The following KIAA1671 variants were observed in gnomAD, a reference collection of about 807,000 sequenced individuals.
KIAA1671 encodes the protein KIAA1671, also known as uncharacterized protein KIAA1671.
Under a neutral mutation model 131.2 loss-of-function variants are expected in KIAA1671, and 52 were observed. The ratio of observed to expected loss-of-function variants is 0.40; its 90% confidence interval spans 0.32 to 0.50. The LOEUF (loss-of-function observed/expected upper bound fraction) is 0.50, where lower values mean the gene tolerates loss of function less well. KIAA1671 is among the 20% of genes least tolerant of loss of function. The pLI is 0.73. For missense variants in KIAA1671, 2,360 were observed against 2,364.2 expected (o/e 1.00, Z 0.04); for synonymous variants, 1,003 against 961.6 (o/e 1.04, Z -0.80).
At chr22:25,050,445 G>A (rs1228278374) in intron 6 of KIAA1671, 1 of 152,260 alleles carries the variant, frequency 6.6e-6, no homozygotes, top group Non-Finnish European at 1.5e-5. Flanking sequence ...CTCTTTGGTT[G>A]CTCAGCTCCA....
chr22:25,113,646 C>T (rs1030329751), intron 6 of KIAA1671, among the ~76,000 whole-genome samples: 3 of 152,194 alleles, frequency 2.0e-5, no homozygotes, highest in African/African-American at 7.2e-5. Context: ...GCAGCCAGAG[C>T]AGGCAGTTGC....
chr22:25,120,146 C>G (rs956605580), intron 6 of KIAA1671, among the ~76,000 whole-genome samples: 7 of 152,184 alleles, frequency 4.6e-5, no homozygotes, highest in African/African-American at 1.4e-4. Context: ...GTGCCCTTCC[C>G]CCATCTCCCA....
At chr22:25,077,715 A>G (rs897032961) in intron 6 of KIAA1671, among the ~76,000 whole-genome samples, 2 of 152,198 alleles carry the variant, frequency 1.3e-5, no homozygotes, top group Admixed American at 1.3e-4. Flanking sequence ...GAGATGGGAA[A>G]TCACTGTGGT....
At chr22:25,045,827 G>A (rs1207643308) in intron 5 of KIAA1671, among the ~76,000 whole-genome samples, 3 of 152,112 alleles carry the variant, frequency 2.0e-5, no homozygotes, top group Non-Finnish European at 2.9e-5. Flanking sequence ...CTGGCCTCAA[G>A]CAGTCTACCT....
chr22:25,128,109 G>T (rs11705519), intron 6 of KIAA1671, among the ~76,000 whole-genome samples: 1 of 151,902 alleles, frequency 6.6e-6, no homozygotes, highest in African/African-American at 2.4e-5. Context: ...CTCAAACTTG[G>T]GTGGGCATCA....
chr22:24,986,487 A>G (rs1156343399), intron 1 of KIAA1671, among the ~76,000 whole-genome samples: 1 of 151,666 alleles, frequency 6.6e-6, no homozygotes, highest in Non-Finnish European at 1.5e-5. Flanking sequence ...ATATGACAAG[A>G]AAAAAAAACT....
intron 6 of KIAA1671, among the ~76,000 whole-genome samples, chr22:25,113,796 C>T (rs764936753): frequency 1.3e-5 from 2 of 152,254 alleles, no homozygotes; most frequent in Non-Finnish European, 2.9e-5. Flanking sequence ...TCCCCAACCT[C>T]TGGAAGGTGT....
chr22:25,070,357 G>A (rs1212411412), intron 6 of KIAA1671: 2 of 488,746 alleles, frequency 4.1e-6, no homozygotes, highest in Admixed American at 3.4e-5. Flanking sequence ...TAACCTCTGG[G>A]TGCTGGAAAT....
At chr22:25,185,988 TG>T (rs1934463467) in intron 11 of KIAA1671, 1 of 152,216 alleles carries the variant, frequency 6.6e-6, no homozygotes, top group Non-Finnish European at 1.5e-5. Flanking sequence ...TGATAGTAAG[TG>T]CTGGTTGGAT....
chr22:24,959,633 G>A (rs1280961018), intron 1 of KIAA1671, among the ~76,000 whole-genome samples: 1 of 152,028 alleles, frequency 6.6e-6, no homozygotes, highest in Non-Finnish European at 1.5e-5. Flanking sequence ...CATCTTATGT[G>A]GGCAAGGCAC....
chr22:25,094,676 G>GA (rs980700957), intron 6 of KIAA1671, among the ~76,000 whole-genome samples: 61 of 152,244 alleles, frequency 4.0e-4, no homozygotes, highest in Middle Eastern at 3.4e-3. Flanking sequence ...AGCGTTGTAA[G>GA]AAAATATGTC....
intron 6 of KIAA1671, among the ~76,000 whole-genome samples, chr22:25,161,758 C>T (rs1933451496): frequency 6.6e-6 from 1 of 152,118 alleles, no homozygotes; most frequent in East Asian, 1.9e-4. Flanking sequence ...CAGCCCCTCC[C>T]CTTCTCCTTT....
intron 6 of KIAA1671, chr22:25,052,064 C>T (rs1292071289): frequency 6.6e-6 from 1 of 152,390 alleles, no homozygotes; most frequent in Non-Finnish European, 1.5e-5. Flanking sequence ...TCACTCCAGC[C>T]TTGGCCCCAG....
intron 1 of KIAA1671, among the ~76,000 whole-genome samples, chr22:24,976,360 C>T (rs560656112): frequency 6.6e-6 from 1 of 152,348 alleles, no homozygotes; most frequent in South Asian, 2.1e-4. Flanking sequence ...CAAGGTCATT[C>T]AGCCAGCCAG....
intron 1 of KIAA1671, among the ~76,000 whole-genome samples, chr22:24,969,613 A>G (rs954541321): frequency 9.9e-5 from 15 of 152,210 alleles, no homozygotes; most frequent in African/African-American, 3.1e-4. Flanking sequence ...ATAATCCCAC[A>G]TTCTAAAGAT....
At chr22:24,992,767 A>G (rs991550179) in intron 1 of KIAA1671, among the ~76,000 whole-genome samples, 1 of 134,986 alleles carries the variant, frequency 7.4e-6, no homozygotes, top group African/African-American at 2.8e-5. Context: ...GTGAGCCAAG[A>G]TCACGCCATT....
At chr22:25,010,854 G>A (rs890154949) in intron 1 of KIAA1671, 1 of 152,200 alleles carries the variant, frequency 6.6e-6, no homozygotes, top group Non-Finnish European at 1.5e-5. Context: ...TATATATCAA[G>A]TTATTTTCCA....
chr22:25,165,397 C>T (rs2146001867), intron 6 of KIAA1671, among the ~76,000 whole-genome samples: 1 of 152,272 alleles, frequency 6.6e-6, no homozygotes, highest in East Asian at 1.9e-4. Context: ...GCTCTGGAAG[C>T]AGTGTTTGTT....
rs115869761 is a variant in KIAA1671 at position 25,079,059 on chromosome 22, G to A, written c.4530+29695G>A. ...GGTTGGCCTGAGGACTCAGTGAGGC[G>A]ATGCAAACAAAGCCAGGCATACAGT... is the stretch of plus-strand genomic sequence containing the variant. On this transcript the variant is annotated intron_variant, in intron 6 of 12. Coordinates refer to ENST00000358431, the MANE Select transcript of KIAA1671 (RefSeq NM_001145206.2). Among the ~76,000 whole-genome samples, 396 of 152,262 alleles carry A rather than the reference G, an allele frequency of 2.6e-3. 1 individual carries two copies. Among genetic ancestry groups the A allele is most frequent in the African/African-American group, 9.0e-3 (372 of 41,536 alleles).
Sources: allele counts gnomAD v4.1 joint callset (sites outside exome capture counted in the v4.1 genomes callset), GRCh38; gene constraint gnomAD v4.1.1; transcripts MANE v1.5; gene names NCBI Gene and HGNC (gene_info 2026-07-23, HGNC 2026-07-21).